KDM1A: variants seen among roughly 807,000 people sequenced by gnomAD.
The protein encoded by KDM1A is lysine-specific histone demethylase 1A.
KDM1A carries 49 observed loss-of-function variants against 109.4 expected under a neutral mutation model. That is an observed-to-expected ratio of 0.45 (90% CI 0.36 to 0.57). KDM1A has a LOEUF of 0.57. Ranked by LOEUF, KDM1A falls within the 20% of genes least tolerant of loss-of-function variation. The pLI is 0.00. For synonymous variants in KDM1A, 380 were observed against 415.4 expected, an observed-to-expected ratio of 0.91 and a Z score of 1.04; for missense variants, 668 against 1,116.6, an observed-to-expected ratio of 0.60 and a Z score of 5.73.
chr1:23,080,851 C>T (rs965294289), intron 18 of KDM1A: 1 of 152,280 alleles, frequency 6.6e-6, no homozygotes, highest in Non-Finnish European at 1.5e-5. Context: ...TATTCTTTTC[C>T]GTGTAGCCTA....
In KDM1A at chr1:23,083,614, C is replaced by A; in HGVS notation, c.*250C>A. 2.8e-6 allele frequency: 1 copy of A among 356,470 alleles called. No individual in the cohort carries two copies. Among genetic ancestry groups the A allele is most frequent in the Non-Finnish European group, 5.1e-6 (1 of 196,756 alleles). The allele number at this position is 356,470 out of a possible 1,614,324, so 22.1% of individuals were successfully genotyped here. A position where few individuals can be genotyped will look rare whatever the true frequency, so the allele number is the denominator to read the frequency against. On this transcript the variant is annotated 3_prime_UTR_variant, in exon 21 of 21. Transcript: ENST00000400181. Reference sequence around the variant, plus strand: ...GAGGCAAGCAAGTGCTGTGAAATAACATCATCTTAGTCCCTTGGTGTGTGG... The same window carrying A: ...GAGGCAAGCAAGTGCTGTGAAATAAAATCATCTTAGTCCCTTGGTGTGTGG...
intron 2 of KDM1A, among the ~76,000 whole-genome samples, chr1:23,037,353 G>A (rs1642180167): frequency 6.6e-6 from 1 of 150,564 alleles, no homozygotes; most frequent in South Asian, 2.1e-4. Flanking sequence ...ACAGATGTTA[G>A]TAAGTAGCTA....
At chr1:23,036,884 T>G (rs1440404599) in intron 2 of KDM1A, among the ~76,000 whole-genome samples, 2 of 152,290 alleles carry the variant, frequency 1.3e-5, no homozygotes, top group East Asian at 3.9e-4. Flanking sequence ...CTCATTGACT[T>G]TATTCTACAA....
At chr1:23,066,734 CAT>C (rs1643170724) in intron 10 of KDM1A, among the ~76,000 whole-genome samples, 1 of 152,156 alleles carries the variant, frequency 6.6e-6, no homozygotes. Flanking sequence ...GTTAAGGTCT[CAT>C]AACTACCTAG....
chr1:23,041,837 T>C (rs1016356149), intron 2 of KDM1A, among the ~76,000 whole-genome samples: 4 of 151,184 alleles, frequency 2.6e-5, no homozygotes, highest in African/African-American at 9.9e-5. Context: ...CCTGCATTTT[T>C]TTAAATTAAA....
chr1:23,033,516 C>T (rs1426971412), intron 2 of KDM1A, among the ~76,000 whole-genome samples: 1 of 151,684 alleles, frequency 6.6e-6, no homozygotes, highest in Non-Finnish European at 1.5e-5. Flanking sequence ...CAAGACTCCG[C>T]CTTAAAAAAA....
intron 3 of KDM1A, among the ~76,000 whole-genome samples, chr1:23,046,218 C>T (rs1289680249): frequency 6.6e-6 from 1 of 152,250 alleles, no homozygotes; most frequent in East Asian, 1.9e-4. Flanking sequence ...AAGACTATTC[C>T]TTACACCCTT....
chr1:23,049,926 G>T (rs1642616410), intron 3 of KDM1A, among the ~76,000 whole-genome samples: 1 of 152,106 alleles, frequency 6.6e-6, no homozygotes, highest in Admixed American at 6.5e-5. Flanking sequence ...CTGTTGATGG[G>T]ATTGTGATTT....
intron 12 of KDM1A, among the ~76,000 whole-genome samples, chr1:23,070,223 A>G (rs911249112): frequency 2.0e-5 from 3 of 152,198 alleles, no homozygotes; most frequent in Admixed American, 6.5e-5. Flanking sequence ...TATAATCCCA[A>G]CACTTTGAGA....
intron 9 of KDM1A, among the ~76,000 whole-genome samples, chr1:23,059,800 A>G (rs1397423815): frequency 2.6e-5 from 4 of 152,200 alleles, no homozygotes. Flanking sequence ...AAAAGTTTGT[A>G]TTTAGCAAAA....
rs1292832481 is a variant in KDM1A, at chr1:23,081,459, G to A, written c.2184G>A (p.Leu728=). Reference sequence around the variant, plus strand: ...CTGTTTCCCCAGCTCCAATACTGTTGGCACTAGTGGCAGGAGAAGCTGCTG... The same window carrying A: ...CTGTTTCCCCAGCTCCAATACTGTTAGCACTAGTGGCAGGAGAAGCTGCTG... The part of the protein sequence containing the change: ...FWNLYKAPIL[L]ALVAGEAAGI... Residue 728 remains leucine (L), a synonymous_variant, in exon 19 of 21, where the codon TTG becomes TTA. Transcript: ENST00000400181. 6.2e-7 allele frequency: 1 copy of A among 1,614,102 alleles called. No homozygotes were observed. The highest frequency in any genetic ancestry group is 8.5e-7 in the Non-Finnish European group (1 of 1,179,994).
At position 23,030,777 on chromosome 1, in the gene KDM1A, T is replaced by TTGTGTGTGTGTATACATATACATG. The variant is rs1553125642; in HGVS notation, c.517+145_517+168dup. ...ATTGAGTCTCCTGCCATGTGTGTCT[T>TTGTGTGTGTGTATACATATACATG]TGTGTGTGTGTATACATATACATGT... is the stretch of plus-strand genomic sequence containing the variant. On this transcript the variant is annotated intron_variant, in intron 2 of 20. Transcript: ENST00000400181. The TTGTGTGTGTGTATACATATACATG allele has an allele frequency of 9.8e-6, 8 of 818,134 alleles. No homozygotes were observed. In the Admixed American group the frequency reaches 1.8e-4, roughly 19 times the overall value. The allele number at this position is 818,134 out of a possible 1,614,324, so 50.7% of individuals were successfully genotyped here. A position where few individuals can be genotyped will look rare whatever the true frequency, so the allele number is the denominator to read the frequency against.
chr1:23,051,730 T>C (rs1412104495), intron 4 of KDM1A, among the ~76,000 whole-genome samples: 1 of 152,246 alleles, frequency 6.6e-6, no homozygotes, highest in African/African-American at 2.4e-5. Context: ...GAAATTAACC[T>C]TGTGATTCAG....
intron 9 of KDM1A, 152 bp downstream of exon 9, chr1:23,059,319 G>C (rs768252441): frequency 1.4e-6 from 1 of 725,640 alleles, no homozygotes; most frequent in Non-Finnish European, 2.5e-6. Flanking sequence ...TGTTATTCTG[G>C]TTGTTTCTTA....
At chr1:23,073,153 C>G in intron 14 of KDM1A, 139 bp from the exon 15 acceptor site, 1 of 558,056 alleles carries the variant, frequency 1.8e-6, no homozygotes, top group Non-Finnish European at 3.2e-6. Context: ...AGATAAGATG[C>G]TACTTTTTGA....
Position 23,019,957 on chromosome 1 carries a change from G to T in KDM1A, c.351+10G>T. On this transcript the variant is annotated intron_variant, in intron 1 of 20. Transcript: ENST00000400181. The stretch of plus-strand genomic sequence containing the variant: ...GCGCAAGCGGGCGAAGGTAAGGCTC[G>T]ACCCTTCCCTCAAACGACACCGCCT... The T allele has an allele frequency of 1.3e-6, 2 of 1,527,792 alleles. No individual in the cohort carries two copies. The highest frequency in any genetic ancestry group is 2.5e-5 in the South Asian group (2 of 81,132). 94.6% of individuals were successfully genotyped at this position (1,527,792 alleles called of 1,614,324 possible).
intron 12 of KDM1A, among the ~76,000 whole-genome samples, chr1:23,070,363 C>T (rs1000471412): frequency 2.0e-5 from 3 of 151,932 alleles, no homozygotes; most frequent in Non-Finnish European, 2.9e-5. Context: ...CCCAGTTACT[C>T]AGGAGGCTGA....
rs758326780 is a variant in KDM1A, at chr1:23,019,508, G to A, written c.-89G>A. 8 of 1,308,436 alleles carry A rather than the reference G, an allele frequency of 6.1e-6. No individual in the cohort carries two copies. In the South Asian group the frequency reaches 1.8e-4, roughly 29 times the overall value. 81.1% of individuals were successfully genotyped at this position (1,308,436 alleles called of 1,614,324 possible). A position where few individuals can be genotyped will look rare whatever the true frequency, so the allele number is the denominator to read the frequency against. On this transcript the variant is annotated 5_prime_UTR_variant, in exon 1 of 21. Transcript: ENST00000400181. ...GACGGCGGTTGGCGGCGCGCGGGCA[G>A]CGTGAAGCGAGGCGAGGCAAGGCTT...
Position 23,079,569 on chromosome 1 carries a change from A to G in KDM1A, c.2072A>G (p.Asp691Gly). The change falls in exon 18 of 21, where the codon GAT (aspartate) becomes GGT (glycine). Residue 691 changes from aspartate (D) to glycine (G), a missense_variant. Around this residue, in one of 8 missense-constraint regions of KDM1A, gnomAD observed 162 missense variants for 376.4 expected, o/e 0.43. Transcript: ENST00000400181. This position sits in a 1 kb window ranked among gnomAD's most constrained non-coding sequence, Gnocchi z 5.6. ...GNLNKVVLCF[D>G]RVFWDPSVNL... ...TTATGGTAGGTGGTGTTGTGTTTTG[A>G]TCGGGTGTTCTGGGATCCAAGTGTC... 6.2e-7 allele frequency: 1 copy of G among 1,613,606 alleles called. No individual in the cohort carries two copies. The highest frequency in any genetic ancestry group is 8.5e-7 in the Non-Finnish European group (1 of 1,179,828).
Sources: gnomAD v4.1 joint callset for allele counts (sites outside exome capture counted in the v4.1 genomes callset) on GRCh38, gnomAD v4.1.1 for gene constraint, gnomAD v4.1.1 regional missense constraint, Gnocchi (gnomAD v3.1) non-coding constraint, MANE v1.5 for transcripts, NCBI Gene and HGNC (gene_info 2026-07-23, HGNC 2026-07-21) for gene names.